The following DPY19L2 variants were observed in gnomAD, a reference collection of about 807,000 sequenced individuals.
DPY19L2 encodes the protein dpy-19 like 2.
A neutral mutation model predicts 97.9 loss-of-function variants in DPY19L2; 34 were observed. The ratio of observed to expected loss-of-function variants is 0.35; its 90% CI spans 0.26 to 0.46. The LOEUF (loss-of-function observed/expected upper bound fraction) is 0.46. Among genes scored for constraint, DPY19L2 ranks in the 20% least tolerant of loss-of-function variants. DPY19L2 has a pLI of 1.00. For synonymous variants in DPY19L2, 230 were observed against 307.9 expected (o/e 0.75, Z 2.65); for missense variants, 623 against 911.4 (o/e 0.68, Z 4.07).
At chr12:63,657,359 T>C (rs1895101147) in intron 4 of DPY19L2, among the ~76,000 whole-genome samples, 1 of 152,148 alleles carries the variant, frequency 6.6e-6, no homozygotes, top group South Asian at 2.1e-4. Flanking sequence ...AGAAAGAAAA[T>C]GCCTTGCAAA....
intron 6 of DPY19L2, among the ~76,000 whole-genome samples, chr12:63,638,118 T>C (rs1892064783): frequency 6.6e-6 from 1 of 152,120 alleles, no homozygotes; most frequent in African/African-American, 2.4e-5. Flanking sequence ...CACATGATTA[T>C]CTCAATAGAT....
chr12:63,582,869 G>A (rs1000584279), intron 17 of DPY19L2, among the ~76,000 whole-genome samples: 1 of 152,106 alleles, frequency 6.6e-6, no homozygotes, highest in African/African-American at 2.4e-5. Flanking sequence ...AGGCAGAGGA[G>A]CTAGGGAGAG....
chr12:63,624,238 C>T (rs970426032), intron 7 of DPY19L2, 107 bp from the exon 8 acceptor site: 1 of 782,296 alleles, frequency 1.3e-6, no homozygotes, highest in Non-Finnish European at 2.2e-6. Flanking sequence ...CTCACTAGAT[C>T]CCATTTCTGA....
chr12:63,594,281 A>C, intron 15 of DPY19L2, 148 bp from the exon 16 acceptor site: 1 of 557,392 alleles, frequency 1.8e-6, no homozygotes, highest in Non-Finnish European at 3.1e-6. Flanking sequence ...GTCATACTAT[A>C]GATGCCTTCC....
intron 4 of DPY19L2, among the ~76,000 whole-genome samples, chr12:63,650,892 ATAAG>A (rs200081412): frequency 0.037 from 5,708 of 152,222 alleles, 215 homozygotes; most frequent in East Asian, 0.13. Flanking sequence ...AAATAAATAA[ATAAG>A]TAAATAAAAT....
intron 16 of DPY19L2, among the ~76,000 whole-genome samples, chr12:63,585,484 T>C (rs145244654): frequency 1.2e-3 from 187 of 152,184 alleles, no homozygotes; most frequent in African/African-American, 3.8e-3. Context: ...AAGGTAATAG[T>C]AGAGACCAAA....
chr12:63,590,292 G>A (rs994408085), intron 16 of DPY19L2, among the ~76,000 whole-genome samples: 50 of 152,060 alleles, frequency 3.3e-4, no homozygotes, highest in African/African-American at 1.2e-3. Flanking sequence ...GCTTGATAAC[G>A]ATGTTGGTGG....
intron 1 of DPY19L2, chr12:63,666,552 G>C (rs1896363175): frequency 2.3e-6 from 1 of 442,100 alleles, no homozygotes; most frequent in Non-Finnish European, 4.5e-6. Flanking sequence ...GGAACTGCTT[G>C]TTTTCAATTC....
At chr12:63,619,307 G>C (rs1888315060) in intron 9 of DPY19L2, among the ~76,000 whole-genome samples, 1 of 152,090 alleles carries the variant, frequency 6.6e-6, no homozygotes, top group Non-Finnish European at 1.5e-5. Context: ...AGATGTGGTT[G>C]CACAATTAAC....
Position 63,591,485 on chromosome 12 carries a change from A to C in DPY19L2, c.1580+2602T>G, listed in dbSNP as rs145908649. 3.2e-4 allele frequency among the ~76,000 whole-genome samples: 48 copies of C among 152,246 alleles called. No individual in the cohort carries two copies. In the East Asian group the frequency reaches 7.9e-3, roughly 25 times the overall value. Reference sequence around the variant, plus strand: ...CGAAAATAAAAGTTGAACACTAAAAAACATGTCATTTGAGATCATATTTCC... The same window carrying C: ...CGAAAATAAAAGTTGAACACTAAAACACATGTCATTTGAGATCATATTTCC... On this transcript the variant is annotated intron_variant, in intron 16 of 21. Coordinates refer to ENST00000324472, the MANE Select transcript of DPY19L2 (RefSeq NM_173812.5).
At chr12:63,661,286 T>G in intron 4 of DPY19L2, 58 bp downstream of exon 4, 1 of 1,463,404 alleles carries the variant, frequency 6.8e-7, no homozygotes. Flanking sequence ...TGCTTACTAT[T>G]TTTATCTGAC....
rs755825587 is a variant in DPY19L2, at chr12:63,594,067, A to G, written c.1580+20T>C. 1.3e-5 allele frequency: 19 copies of G among 1,468,164 alleles called. No homozygotes were observed. Among genetic ancestry groups the G allele is most frequent in the Non-Finnish European group, 1.8e-5 (19 of 1,071,066 alleles). 90.9% of individuals were successfully genotyped at this position (1,468,164 alleles called of 1,614,324 possible). A position where few individuals can be genotyped will look rare whatever the true frequency, so the allele number is the denominator to read the frequency against. ...ATAATGGAATACTGTATGTTTTAAA[A>G]ACAATGATGATATAATTACCTTAGA... On this transcript the variant is annotated intron_variant, in intron 16 of 21. Coordinates refer to ENST00000324472, the MANE Select transcript of DPY19L2 (RefSeq NM_173812.5).
chr12:63,589,714 T>A (rs1271507662), intron 16 of DPY19L2, among the ~76,000 whole-genome samples: 1 of 152,184 alleles, frequency 6.6e-6, no homozygotes, highest in Non-Finnish European at 1.5e-5. Context: ...ATAACTGTGA[T>A]TGTAGAGAAA....
intron 11 of DPY19L2, among the ~76,000 whole-genome samples, chr12:63,612,343 T>C (rs938856125): frequency 6.6e-6 from 1 of 152,048 alleles, no homozygotes; most frequent in African/African-American, 2.4e-5. Flanking sequence ...AGGGTAAATA[T>C]ATAACATTTT....
intron 11 of DPY19L2, among the ~76,000 whole-genome samples, chr12:63,613,403 T>C (rs1425266534): frequency 6.6e-6 from 1 of 152,126 alleles, no homozygotes; most frequent in African/African-American, 2.4e-5. Flanking sequence ...TATGATATCA[T>C]ATCTTCGAAA....
In DPY19L2 at chr12:63,624,051, A is replaced by G; in HGVS notation, c.942T>C (p.Thr314=). 1.9e-6 allele frequency: 3 copies of G among 1,609,276 alleles called. No homozygotes were observed. Among genetic ancestry groups the G allele is most frequent in the Non-Finnish European group, 2.5e-6 (3 of 1,177,552 alleles). The change falls in exon 8 of 22, where the codon ACT becomes ACC. Residue 314 remains threonine, a synonymous_variant. Coordinates refer to ENST00000324472, the MANE Select transcript of DPY19L2 (RefSeq NM_173812.5). ...TAAATCGAAGTTACCTGAGAATCAA[A>G]GTTAAAATACACATCTGAAGTACAA... ...PFLVLQMCIL[T]LILRTSSNDR...
At chr12:63,587,999 C>T (rs992966893) in intron 16 of DPY19L2, among the ~76,000 whole-genome samples, 2 of 152,014 alleles carry the variant, frequency 1.3e-5, no homozygotes, top group African/African-American at 2.4e-5. Context: ...ATACAGTGTG[C>T]GTTTTCTTCA....
Position 63,624,104 on chromosome 12 carries a change from G to T in DPY19L2, c.889C>A (p.Leu297Ile). Reference protein sequence around the residue: ...EATRVMWTPPLRESFSYPFLV... With the variant: ...EATRVMWTPPIRESFSYPFLV... ...AAAGGATAGGAAAAACTTTCACGGA[G>T]AGGTGGTGTCCACATCACACGGGTG... is the stretch of plus-strand genomic sequence containing the variant. Residue 297 changes from leucine (L) to isoleucine (I), a missense_variant, in exon 8 of 22, where the codon CTC (leucine) becomes ATC (isoleucine). Leu to Ile is a conservative substitution (Grantham distance 5). Around this residue, in one of 6 missense-constraint regions of DPY19L2, gnomAD observed 67 missense variants for 88.0 expected, o/e 0.76. Transcript: ENST00000324472. 1 of 1,611,714 alleles carries T rather than the reference G, an allele frequency of 6.2e-7. No individual in the cohort carries two copies.
chr12:63,616,499 G>T (rs1377502942), intron 11 of DPY19L2, among the ~76,000 whole-genome samples: 4 of 152,000 alleles, frequency 2.6e-5, no homozygotes, highest in African/African-American at 9.7e-5. Context: ...GCTATATTTT[G>T]GCATTACCGT....
Sources: gnomAD v4.1 joint callset for allele counts (sites outside exome capture counted in the v4.1 genomes callset) on GRCh38, gnomAD v4.1.1 for gene constraint, gnomAD v4.1.1 regional missense constraint, MANE v1.5 for transcripts, NCBI Gene and HGNC (gene_info 2026-07-23, HGNC 2026-07-21) for gene names.